Variants in TMC5 observed in about 807,000 individuals in gnomAD.
TMC5 encodes transmembrane channel-like protein 5.
Under a neutral mutation model 110.5 loss-of-function variants are expected in TMC5, and 86 were observed. The observed-to-expected ratio is 0.78, with a 90% CI of 0.65 to 0.93. TMC5 has a LOEUF of 0.93. TMC5 is among the 40% of genes least tolerant of loss of function. TMC5 has a pLI of 0.00. For missense variants in TMC5, 1,144 were observed against 1,222.8 expected, an observed-to-expected ratio of 0.94 and a Z score of 0.96; for synonymous variants, 455 against 439.5, an observed-to-expected ratio of 1.04 and a Z score of -0.44.
intron 6 of TMC5, among the ~76,000 whole-genome samples, chr16:19,462,094 A>G (rs1170933629): frequency 6.6e-6 from 1 of 152,180 alleles, no homozygotes; most frequent in Non-Finnish European, 1.5e-5. Flanking sequence ...ATGGAAGGGT[A>G]AGGAGACCAA....
chr16:19,457,125 C>A (rs1967897693), intron 5 of TMC5: 2 of 915,644 alleles, frequency 2.2e-6, no homozygotes, highest in East Asian at 5.2e-5. Context: ...CGTGGTGGCT[C>A]ACACCTATAA....
rs1253982556 is a variant in TMC5 at position 19,498,655 on chromosome 16, G to A, written c.*689G>A. 4 of 152,112 alleles carry A rather than the reference G, an allele frequency of 2.6e-5. No individual in the cohort carries two copies. The highest frequency in any genetic ancestry group is 4.4e-5 in the Non-Finnish European group (3 of 68,042). 9.4% of individuals were successfully genotyped at this position (152,112 alleles called of 1,614,324 possible). ...GTAGCCAATGAGATTTATCCGAGAC[G>A]CGATTATTGCTAATTGGAAATTTTC... On this transcript the variant is annotated 3_prime_UTR_variant, in exon 22 of 22. Transcript: ENST00000542583.
At chr16:19,494,917 T>C (rs62026181) in intron 20 of TMC5, among the ~76,000 whole-genome samples, 96,623 of 151,942 alleles carry the variant, frequency 0.64, 32,297 homozygotes, top group South Asian at 0.76. Flanking sequence ...CTTGCACGCT[T>C]GTTTTTCACA....
In TMC5 at chr16:19,498,140, T is replaced by C. The variant is rs1388184385; in HGVS notation, c.*174T>C. The C allele has an allele frequency of 3.4e-5, 21 of 618,230 alleles. No homozygotes were observed. The East Asian group carries it at 4.2e-4, about 12-fold the overall frequency. 38.3% of individuals were successfully genotyped at this position (618,230 alleles called of 1,614,324 possible). A position where few individuals can be genotyped will look rare whatever the true frequency, so the allele number is the denominator to read the frequency against. The stretch of plus-strand genomic sequence containing the variant: ...CAAAGTAAAATTGGGCATTCCATGC[T>C]ATTTTTAATACCTGGATTGCTGATT... On this transcript the variant is annotated 3_prime_UTR_variant, in exon 22 of 22. Transcript: ENST00000542583.
chr16:19,428,443 C>T (rs755686288), intron 1 of TMC5, among the ~76,000 whole-genome samples: 66 of 151,808 alleles, frequency 4.3e-4, no homozygotes, highest in South Asian at 1.7e-3. Context: ...GAAAGTACTG[C>T]GATTACAAGC....
intron 1 of TMC5, among the ~76,000 whole-genome samples, chr16:19,419,748 C>T (rs1362270399): frequency 6.6e-6 from 1 of 151,984 alleles, no homozygotes; most frequent in Non-Finnish European, 1.5e-5. Flanking sequence ...TCATACTTTG[C>T]CAGAAAAGGT....
At chr16:19,429,165 TCTTGAAA>T (rs1967146354) in intron 1 of TMC5, among the ~76,000 whole-genome samples, 1 of 152,170 alleles carries the variant, frequency 6.6e-6, no homozygotes, top group Non-Finnish European at 1.5e-5. Flanking sequence ...GATCTTGCTG[TCTTGAAA>T]CCACAGACCT....
At chr16:19,418,377 A>G (rs901623315) in intron 1 of TMC5, among the ~76,000 whole-genome samples, 2 of 152,104 alleles carry the variant, frequency 1.3e-5, no homozygotes, top group Non-Finnish European at 2.9e-5. Flanking sequence ...CAGTTATTGT[A>G]TGTTTCTGGC....
rs1489222645 is a variant in TMC5 at position 19,490,380 on chromosome 16, T to A, written c.2574-15T>A. 3 of 1,613,808 alleles carry A rather than the reference T, an allele frequency of 1.9e-6. No homozygotes were observed. The Admixed American group carries it at 5.0e-5, about 27-fold the overall frequency. On this transcript the variant is annotated splice_polypyrimidine_tract_variant and intron_variant, in intron 17 of 21. Coordinates refer to ENST00000542583, the MANE Select transcript of TMC5 (RefSeq NM_001261841.2). Reference sequence around the variant, plus strand: ...GTCTTGTGCTAGAGATGTTCTTCCATCTTTGTTTTACCAGATTGAAGCCTT... The same window carrying A: ...GTCTTGTGCTAGAGATGTTCTTCCAACTTTGTTTTACCAGATTGAAGCCTT...
Position 19,469,698 on chromosome 16 carries a change from G to C in TMC5, c.1655G>C (p.Arg552Pro). The change falls in exon 10 of 22, where the codon CGG becomes CCG. Residue 552 changes from arginine (R) to proline (P), a missense_variant. Physicochemically the swap from Arg to Pro is moderately radical, Grantham distance 103 (BLOSUM62 -2). Coordinates refer to ENST00000542583, the MANE Select transcript of TMC5 (RefSeq NM_001261841.2). ...SLLFSMAKYF[R>P]NNFINPHIYS... is the part of the protein sequence containing the mutation. ...TTCTCTAGCATGGCCAAGTATTTCC[G>C]GAACAACTTCATTAATCCCCACATT... The C allele has an allele frequency of 1.2e-6, 2 of 1,613,964 alleles. No individual in the cohort carries two copies. The highest frequency in any genetic ancestry group is 1.7e-6 in the Non-Finnish European group (2 of 1,179,918).
At chr16:19,488,461 C>A (rs1301889173) in intron 17 of TMC5, among the ~76,000 whole-genome samples, 1 of 152,026 alleles carries the variant, frequency 6.6e-6, no homozygotes, top group African/African-American at 2.4e-5. Flanking sequence ...AACAGAAAGG[C>A]AGGACTCATC....
intron 1 of TMC5, among the ~76,000 whole-genome samples, chr16:19,420,937 G>A (rs1172852281): frequency 6.6e-6 from 1 of 152,182 alleles, no homozygotes; most frequent in African/African-American, 2.4e-5. Context: ...AGAGACTTGA[G>A]TTATAAATTA....
chr16:19,416,377 C>A (rs1966877504), upstream of TMC5, among the ~76,000 whole-genome samples: 2 of 152,164 alleles, frequency 1.3e-5, no homozygotes, highest in Non-Finnish European at 2.9e-5. Context: ...TGTCTACCTC[C>A]TTCTTTATTT....
intron 5 of TMC5, among the ~76,000 whole-genome samples, chr16:19,459,853 T>A (rs1967975028): frequency 6.8e-6 from 1 of 147,964 alleles, no homozygotes; most frequent in African/African-American, 2.5e-5. Context: ...AGGAGATCAG[T>A]GTTGCAGTGG....
intron 1 of TMC5, among the ~76,000 whole-genome samples, chr16:19,421,205 G>T (rs1468096424): frequency 6.6e-6 from 1 of 151,950 alleles, no homozygotes; most frequent in East Asian, 1.9e-4. Flanking sequence ...TTTCATCATG[G>T]GTTTTTTGCA....
chr16:19,444,342 A>G, intron 4 of TMC5, 92 bp downstream of exon 4: 1 of 1,150,754 alleles, frequency 8.7e-7, no homozygotes, highest in South Asian at 1.5e-5. Context: ...TGGCAATAGG[A>G]GAATTGGTGT....
At chr16:19,472,731 A>G (rs987445173) in intron 11 of TMC5, among the ~76,000 whole-genome samples, 2 of 152,152 alleles carry the variant, frequency 1.3e-5, no homozygotes, top group Non-Finnish European at 1.5e-5. Flanking sequence ...AGGGGCTCAG[A>G]GAAGCTAAGG....
intron 9 of TMC5, among the ~76,000 whole-genome samples, chr16:19,467,455 T>A (rs1567316009): frequency 2.6e-5 from 4 of 152,172 alleles, no homozygotes; most frequent in East Asian, 1.9e-4. Flanking sequence ...GACCCCATTT[T>A]AAAAAAATGT....
rs552657670 is a variant in TMC5 at position 19,493,585 on chromosome 16, T to C, written c.2827-677T>C. Among the ~76,000 whole-genome samples, 24 of 152,016 alleles carry C rather than the reference T, an allele frequency of 1.6e-4. No individual in the cohort carries two copies. The East Asian group carries it at 4.3e-3, about 27-fold the overall frequency. On this transcript the variant is annotated intron_variant, in intron 19 of 21. Coordinates refer to ENST00000542583, the MANE Select transcript of TMC5 (RefSeq NM_001261841.2). ...AAGTGATTCTCCTGCCTCAGCCTCCTGAGTAGCTGGGATTACAGGTGTGTG... is the reference window on the plus strand; with the variant it reads ...AAGTGATTCTCCTGCCTCAGCCTCCCGAGTAGCTGGGATTACAGGTGTGTG...
Sources: allele counts gnomAD v4.1 joint callset (sites outside exome capture counted in the v4.1 genomes callset), GRCh38; gene constraint gnomAD v4.1.1; transcripts MANE v1.5; gene names NCBI Gene and HGNC (gene_info 2026-07-23, HGNC 2026-07-21).